TET3: variants seen among roughly 807,000 people sequenced by gnomAD.
TET3 encodes methylcytosine dioxygenase TET3.
TET3 carries 19 observed loss-of-function variants against 141.4 expected under a neutral mutation model. That is an observed-to-expected ratio of 0.13 (90% confidence interval 0.09 to 0.20). TET3 has a LOEUF of 0.20. Ranked by LOEUF, TET3 falls within the 10% of genes least tolerant of loss-of-function variation. The pLI is 1.00. For missense variants in TET3, 1,874 were observed against 2,356.9 expected (o/e 0.80, Z 4.24); for synonymous variants, 1,043 against 980.9 (o/e 1.06, Z -1.18).
chr2:74,093,503 G>A lies in TET3; in HGVS notation c.3130-26G>A. The A allele has an allele frequency of 2.5e-6, 4 of 1,577,890 alleles. No individual in the cohort carries two copies. The highest frequency in any genetic ancestry group is 3.5e-6 in the Non-Finnish European group (4 of 1,158,964). ...GGGCCACTCACCTCAGGTCATGTGA[G>A]CACCTCTCCTTGGCTGTCTACACAG... On this transcript the variant is annotated intron_variant, in intron 9 of 11. Coordinates refer to ENST00000409262, the MANE Select transcript of TET3 (RefSeq NM_001287491.2). This position sits in a 1 kb window ranked among gnomAD's most constrained non-coding sequence, Gnocchi z 4.2.
At chr2:74,058,587 A>C (rs1179182651) in intron 4 of TET3, among the ~76,000 whole-genome samples, 1 of 152,124 alleles carries the variant, frequency 6.6e-6, no homozygotes, top group Non-Finnish European at 1.5e-5. Flanking sequence ...TTAATTTTTA[A>C]ATTTTTTTCT....
At chr2:74,116,036 G>A in the TET3 span, among the ~76,000 whole-genome samples, 110 of 149,320 alleles carry the variant, frequency 7.4e-4, no homozygotes, top group South Asian at 1.7e-3. Flanking sequence ...AAAGGCTGGA[G>A]GGGGTGGCGG....
At chr2:74,019,607 CTT>C (rs2105234761) in intron 3 of TET3, among the ~76,000 whole-genome samples, 1 of 152,298 alleles carries the variant, frequency 6.6e-6, no homozygotes, top group Non-Finnish European at 1.5e-5. Flanking sequence ...GCGGTAAATC[CTT>C]TTAATAAACG....
At chr2:74,115,305 TA>T in the TET3 span, among the ~76,000 whole-genome samples, 2 of 152,166 alleles carry the variant, frequency 1.3e-5, no homozygotes, top group African/African-American at 2.4e-5. Context: ...ATGATTATCC[TA>T]AGTTTCTCAG....
chr2:74,077,992 A>G (rs1001099013), intron 5 of TET3, among the ~76,000 whole-genome samples: 38 of 152,244 alleles, frequency 2.5e-4, no homozygotes, highest in Non-Finnish European at 5.0e-4. Context: ...AGACCATGCT[A>G]TATAAACCCC....
chr2:74,033,059 C>T (rs1283645998), intron 3 of TET3, among the ~76,000 whole-genome samples: 3 of 152,184 alleles, frequency 2.0e-5, no homozygotes, highest in African/African-American at 4.8e-5. Context: ...TCTCTAGCAA[C>T]AGAAATAGCA....
intron 2 of TET3, chr2:74,002,595 TGGGCAGGTCCACCAGGCGG>T: frequency 3.0e-6 from 1 of 334,106 alleles, no homozygotes; most frequent in Non-Finnish European, 5.4e-6. Flanking sequence ...GCCTCCCGGC[TGGGCAGGTCCACCAGGCGG>T]GGGCAGGGCC....
chr2:74,020,762 A>G (rs531539722), intron 3 of TET3, among the ~76,000 whole-genome samples: 8 of 152,382 alleles, frequency 5.2e-5, no homozygotes, highest in Non-Finnish European at 7.3e-5. Flanking sequence ...AGCAGGGGTC[A>G]GGATTTCTGC....
At chr2:74,111,783 T>C (rs1338151191), downstream of TET3, among the ~76,000 whole-genome samples, 1 of 152,190 alleles carries the variant, frequency 6.6e-6, no homozygotes. Flanking sequence ...CCCAGGTGTA[T>C]TTGGTGCCAA....
chr2:74,055,876 C>T (rs1219083773), intron 4 of TET3, among the ~76,000 whole-genome samples: 2 of 152,166 alleles, frequency 1.3e-5, no homozygotes, highest in Admixed American at 6.5e-5. Flanking sequence ...ACCATGTGTC[C>T]TACACCACCT....
downstream of TET3, among the ~76,000 whole-genome samples, chr2:74,109,511 C>G (rs1691651275): frequency 6.6e-6 from 1 of 152,214 alleles, no homozygotes; most frequent in African/African-American, 2.4e-5. Flanking sequence ...ATTTAATCAT[C>G]CCTGTATCAC....
chr2:74,006,653 A>G (rs986181250), intron 3 of TET3, among the ~76,000 whole-genome samples: 1 of 152,100 alleles, frequency 6.6e-6, no homozygotes, highest in Non-Finnish European at 1.5e-5. Flanking sequence ...CATACCCCGG[A>G]GGCTGCAGCA....
the TET3 span, among the ~76,000 whole-genome samples, chr2:74,126,500 A>ATTTTTTTTTT: frequency 8.3e-6 from 1 of 120,966 alleles, no homozygotes; most frequent in African/African-American, 3.3e-5. Context: ...TATTTGCTGG[A>ATTTTTTTTTT]TTTTTTTTTT....
intron 4 of TET3, among the ~76,000 whole-genome samples, chr2:74,064,796 AATTT>A (rs1688792567): frequency 6.6e-6 from 1 of 152,352 alleles, no homozygotes; most frequent in African/African-American, 2.4e-5. Flanking sequence ...ATATTGAAAA[AATTT>A]ATTAATAAAT....
At chr2:74,133,645 C>G in the TET3 span, among the ~76,000 whole-genome samples, 1 of 152,240 alleles carries the variant, frequency 6.6e-6, no homozygotes, top group African/African-American at 2.4e-5. Flanking sequence ...TGGCTGCCTT[C>G]CCTCAGAGCA....
At chr2:74,110,857 C>T (rs758778265), downstream of TET3, among the ~76,000 whole-genome samples, 3 of 152,184 alleles carry the variant, frequency 2.0e-5, no homozygotes, top group Non-Finnish European at 2.9e-5. Flanking sequence ...CATCCATTAA[C>T]CCTTTTCTGT....
chr2:74,034,751 A>G (rs1686938520), intron 3 of TET3, among the ~76,000 whole-genome samples: 3 of 152,034 alleles, frequency 2.0e-5, no homozygotes, highest in Admixed American at 2.0e-4. Context: ...ATTTCTGTAC[A>G]TGTCTCCTGA....
intron 5 of TET3, among the ~76,000 whole-genome samples, chr2:74,075,166 A>G (rs1368799228): frequency 6.6e-6 from 1 of 152,028 alleles, no homozygotes; most frequent in Non-Finnish European, 1.5e-5. Context: ...CACTGCGCCC[A>G]GCTGCATTAG....
rs750303662 is a variant in TET3, at chr2:74,106,410, G to C, written c.*4234G>C. On this transcript the variant is annotated 3_prime_UTR_variant, in exon 12 of 12. Transcript: ENST00000409262. ...CATGATAGGCATTCTCATAGCCAGG[G>C]ACAGATTTTCTCCTGCAGCCCAGGG... 6.5e-6 allele frequency: 1 copy of C among 153,698 alleles called. No homozygotes were observed. The highest frequency in any genetic ancestry group is 1.5e-5 in the Non-Finnish European group (1 of 68,052). 9.5% of individuals were successfully genotyped at this position (153,698 alleles called of 1,614,324 possible). A position where few individuals can be genotyped will look rare whatever the true frequency, so the allele number is the denominator to read the frequency against.
Sources: gnomAD v4.1 joint callset for allele counts (sites outside exome capture counted in the v4.1 genomes callset) on GRCh38, gnomAD v4.1.1 for gene constraint, Gnocchi (gnomAD v3.1) non-coding constraint, MANE v1.5 for transcripts, NCBI Gene and HGNC (gene_info 2026-07-23, HGNC 2026-07-21) for gene names.